CDH1: variants seen among roughly 807,000 people sequenced by gnomAD.
CDH1 encodes the protein cadherin-1.
Under a neutral mutation model 84.5 loss-of-function variants are expected in CDH1, and 35 were observed. That is an observed-to-expected ratio of 0.41 (90% CI 0.32 to 0.55). The LOEUF (loss-of-function observed/expected upper bound fraction) is 0.55. Among genes scored for constraint, CDH1 ranks in the 20% least tolerant of loss-of-function variants. CDH1 has a pLI of 0.19. For missense variants in CDH1, 994 were observed against 1,126.6 expected (o/e 0.88, Z 1.68); for synonymous variants, 417 against 439.0 (o/e 0.95, Z 0.63).
intron 3 of CDH1, among the ~76,000 whole-genome samples, chr16:68,805,835 A>G (rs974184065): frequency 3.3e-5 from 5 of 152,182 alleles, no homozygotes; most frequent in Non-Finnish European, 5.9e-5. Context: ...CAGGTGATCC[A>G]CCCGCCTCAG....
chr16:68,827,983 T>C (rs1395299822), intron 13 of CDH1, among the ~76,000 whole-genome samples, 191 bp from the exon 14 acceptor site: 1 of 152,228 alleles, frequency 6.6e-6, no homozygotes, highest in East Asian at 1.9e-4. Context: ...CTGTCTACTA[T>C]GTTGTACTGT....
chr16:68,816,492 T>C (rs1232033243), intron 10 of CDH1, among the ~76,000 whole-genome samples: 1 of 152,210 alleles, frequency 6.6e-6, no homozygotes, highest in African/African-American at 2.4e-5. Flanking sequence ...ATGCCTGTAA[T>C]CCCAAAACTT....
chr16:68,749,699 G>C lies in CDH1; in HGVS notation c.163+11288G>C, dbSNP rs114311600. On this transcript the variant is annotated intron_variant, in intron 2 of 15. Coordinates refer to ENST00000261769, the MANE Select transcript of CDH1 (RefSeq NM_004360.5). ...ATCAGGCTCAGAGGTTGCACTGCTT[G>C]CCACCAAGTCACCCCGCCAGGTGAT... Among the ~76,000 whole-genome samples, 903 of 152,326 alleles carry C rather than the reference G, an allele frequency of 5.9e-3. 8 individuals are homozygous for C. The highest frequency in any genetic ancestry group is 0.02 in the African/African-American group (831 of 41,576).
chr16:68,760,003 A>G (rs927167451), intron 2 of CDH1, among the ~76,000 whole-genome samples: 3 of 150,476 alleles, frequency 2.0e-5, no homozygotes, highest in Non-Finnish European at 3.0e-5. Context: ...CCCCTTTTCC[A>G]CCGTGCCCGG....
In CDH1 at chr16:68,828,258, A is replaced by G. The variant is rs759608783; in HGVS notation, c.2249A>G (p.Asp750Gly). Reference protein sequence around the residue: ...PLLPPEDDTRDNVYYYDEEGG... With the variant: ...PLLPPEDDTRGNVYYYDEEGG... ...CTGCCCCCAGAGGATGACACCCGGG[A>G]CAACGTTTATTACTATGATGAAGAA... The change falls in exon 14 of 16, where the codon GAC becomes GGC. Residue 750 changes from aspartate to glycine, a missense_variant. This residue lies in a region of CDH1 where 769 missense variants were observed against 881.8 expected (regional missense o/e 0.87). Coordinates refer to ENST00000261769, the MANE Select transcript of CDH1 (RefSeq NM_004360.5). 21 of 1,614,104 alleles carry G rather than the reference A, an allele frequency of 1.3e-5. No individual in the cohort carries two copies. In the South Asian group the frequency reaches 2.1e-4, roughly 16 times the overall value.
chr16:68,826,701 G>A (rs904686393), intron 13 of CDH1: 1 of 152,160 alleles, frequency 6.6e-6, no homozygotes, highest in Non-Finnish European at 1.5e-5. Flanking sequence ...CAGAGCCTGC[G>A]GATACTGGGC....
chr16:68,814,736 G>T (rs1399981549), intron 9 of CDH1, among the ~76,000 whole-genome samples: 1 of 152,022 alleles, frequency 6.6e-6, no homozygotes, highest in Non-Finnish European at 1.5e-5. Context: ...GGGCAGATAT[G>T]GTTGTTTTTG....
At position 68,755,282 on chromosome 16, in the gene CDH1, C is replaced by CAAAA. The variant is rs1188775959; in HGVS notation, c.163+16890_163+16893dup. ...TGGGTGACAGGGCAAGACTCTGTCT[C>CAAAA]AAAAAAAAAAAAAAAAAAAAAATAG... is the stretch of plus-strand genomic sequence containing the variant. On this transcript the variant is annotated intron_variant, in intron 2 of 15. Transcript: ENST00000261769. Among the ~76,000 whole-genome samples the CAAAA allele has an allele frequency of 1.4e-3, 137 of 95,960 alleles. 1 individual carries two copies. Among genetic ancestry groups the CAAAA allele is most frequent in the Non-Finnish European group, 1.7e-3 (82 of 48,146 alleles). The allele number at this position is 95,960 out of a possible 152,430, so 63.0% of individuals were successfully genotyped here.
chr16:68,794,677 C>T (rs1397549583), intron 2 of CDH1, among the ~76,000 whole-genome samples: 1 of 147,514 alleles, frequency 6.8e-6, no homozygotes, highest in Non-Finnish European at 1.5e-5. Context: ...ACCAACATGC[C>T]GGGCTAACTT....
chr16:68,805,902 A>C (rs376691416), intron 3 of CDH1, among the ~76,000 whole-genome samples: 2 of 152,250 alleles, frequency 1.3e-5, no homozygotes, highest in African/African-American at 4.8e-5. Context: ...GGCCTGGCCA[A>C]GGTGGCTGTT....
At position 68,739,606 on chromosome 16, in the gene CDH1, TGA is replaced by T. The variant is rs137981648; in HGVS notation, c.163+1196_163+1197del. ...AGGTACTGTTTCCCCCAAGGAATAATGATTTTTTTTTTTTTTTTTTTTTTTGA... is the reference window on the plus strand; with the variant it reads ...AGGTACTGTTTCCCCCAAGGAATAATTTTTTTTTTTTTTTTTTTTTTTTGA... On this transcript the variant is annotated intron_variant, in intron 2 of 15. Coordinates refer to ENST00000261769, the MANE Select transcript of CDH1 (RefSeq NM_004360.5). Among the ~76,000 whole-genome samples the T allele has an allele frequency of 1.4e-4, 14 of 100,864 alleles. No individual in the cohort carries two copies. In the South Asian group the frequency reaches 3.4e-3, roughly 24 times the overall value. 66.2% of individuals were successfully genotyped at this position (100,864 alleles called of 152,430 possible).
intron 2 of CDH1, among the ~76,000 whole-genome samples, chr16:68,796,528 A>G (rs1408587600): frequency 5.9e-5 from 9 of 152,272 alleles, no homozygotes; most frequent in African/African-American, 9.6e-5. Flanking sequence ...CATGATGGCA[A>G]TTTCAAGCAA....
chr16:68,822,980 C>A, intron 12 of CDH1: 1 of 249,766 alleles, frequency 4.0e-6, no homozygotes, highest in Non-Finnish European at 7.8e-6. Context: ...CCTGGAGAGC[C>A]ACTTCCTAGA....
At chr16:68,823,321 C>A (rs866806872) in intron 12 of CDH1, 78 bp from the exon 13 acceptor site, 186 of 1,024,626 alleles carry the variant, frequency 1.8e-4, no homozygotes, top group Non-Finnish European at 2.6e-4. Context: ...GTCTTTAGTT[C>A]ACTAGCAATT....
At chr16:68,767,273 C>A (rs1380208908) in intron 2 of CDH1, among the ~76,000 whole-genome samples, 1 of 151,958 alleles carries the variant, frequency 6.6e-6, no homozygotes, top group African/African-American at 2.4e-5. Context: ...CAACTCACTG[C>A]AACCTCTACC....
intron 15 of CDH1, among the ~76,000 whole-genome samples, 162 bp downstream of exon 15, chr16:68,829,959 C>CTTTTTT (rs35566564): frequency 1.9e-5 from 2 of 108,018 alleles, no homozygotes; most frequent in African/African-American, 5.4e-5. Flanking sequence ...TTTTCTTTTT[C>CTTTTTT]TTTTTTTTTT....
At position 68,811,739 on chromosome 16, in the gene CDH1, C is replaced by T. The variant is rs895188181; in HGVS notation, c.888C>T (p.Tyr296=). Reference sequence around the variant, plus strand: ...ACGCGGACGATGATGTGAACACCTACAATGCCGCCATCGCTTACACCATCC... The same window carrying T: ...ACGCGGACGATGATGTGAACACCTATAATGCCGCCATCGCTTACACCATCC... The part of the protein sequence containing the change: ...ATDADDDVNT[Y]NAAIAYTILS... The change falls in exon 7 of 16, where the codon TAC becomes TAT. Residue 296 remains tyrosine (Y), a synonymous_variant. Transcript: ENST00000261769. 6.2e-7 allele frequency: 1 copy of T among 1,614,114 alleles called. No homozygotes were observed. Among genetic ancestry groups the T allele is most frequent in the Middle Eastern group, 1.6e-4 (1 of 6,062 alleles).
At chr16:68,783,412 G>GAA (rs113206487) in intron 2 of CDH1, among the ~76,000 whole-genome samples, 4 of 144,920 alleles carry the variant, frequency 2.8e-5, no homozygotes, top group Admixed American at 7.0e-5. Flanking sequence ...AAAGAAAAAA[G>GAA]AAAAAAAGAA....
Position 68,753,737 on chromosome 16 carries a change from A to G in CDH1, c.163+15326A>G, listed in dbSNP as rs1044150662. Among the ~76,000 whole-genome samples, 6 of 152,194 alleles carry G rather than the reference A, an allele frequency of 3.9e-5. No homozygotes were observed. The East Asian group carries it at 1.2e-3, about 29-fold the overall frequency. On this transcript the variant is annotated intron_variant, in intron 2 of 15. Transcript: ENST00000261769. ...ATTTAGCAAATAACAATACAGGACT[A>G]TCAGTTACATTTGACTTTCAGATAA... is the stretch of plus-strand genomic sequence containing the variant.
Sources: gnomAD v4.1 joint callset for allele counts (sites outside exome capture counted in the v4.1 genomes callset) on GRCh38, gnomAD v4.1.1 for gene constraint, gnomAD v4.1.1 regional missense constraint, MANE v1.5 for transcripts, NCBI Gene and HGNC (gene_info 2026-07-23, HGNC 2026-07-21) for gene names.